Variants in ANKIB1 observed in about 807,000 individuals in gnomAD.
The protein encoded by ANKIB1 is ankyrin repeat and IBR domain containing 1.
In ANKIB1, 43 loss-of-function variants were observed where a neutral mutation model predicts 122.1. The observed-to-expected ratio is 0.35, with a 90% CI of 0.28 to 0.45. The LOEUF (loss-of-function observed/expected upper bound fraction) is 0.45. Ranked by LOEUF, ANKIB1 falls within the 20% of genes least tolerant of loss-of-function variation. The pLI is 1.00. For missense variants in ANKIB1, 992 were observed against 1,329.5 expected, an observed-to-expected ratio of 0.75 and a Z score of 3.95; for synonymous variants, 390 against 442.0, an observed-to-expected ratio of 0.88 and a Z score of 1.48.
In ANKIB1 at chr7:92,250,232, A is replaced by G. The variant is rs533687147; in HGVS notation, c.-91+3713A>G. ...AACATAGAGAAACCCCATCTCTACTAAAAATGCAAAATTAGCCGAGCGTGG... is the reference window on the plus strand; with the variant it reads ...AACATAGAGAAACCCCATCTCTACTGAAAATGCAAAATTAGCCGAGCGTGG... On this transcript the variant is annotated intron_variant, in intron 1 of 19. Transcript: ENST00000265742. Among the ~76,000 whole-genome samples, 6 of 152,186 alleles carry G rather than the reference A, an allele frequency of 3.9e-5. No individual in the cohort carries two copies. The South Asian group carries it at 1.2e-3, about 32-fold the overall frequency.
chr7:92,249,551 T>A (rs1801276713), intron 1 of ANKIB1, among the ~76,000 whole-genome samples: 1 of 152,114 alleles, frequency 6.6e-6, no homozygotes, highest in Admixed American at 6.5e-5. Context: ...AAACTCTGTC[T>A]CTACTAAAGA....
intron 2 of ANKIB1, among the ~76,000 whole-genome samples, chr7:92,301,291 C>T (rs1802453297): frequency 6.6e-6 from 1 of 151,820 alleles, no homozygotes; most frequent in South Asian, 2.1e-4. Flanking sequence ...AATGGTTGTA[C>T]CAATTTACAT....
chr7:92,397,580 A>G, intron 18 of ANKIB1, 143 bp from the exon 19 acceptor site: 1 of 796,672 alleles, frequency 1.3e-6, no homozygotes, highest in Non-Finnish European at 2.0e-6. Flanking sequence ...GAGAAATCCC[A>G]GAAAGATTAA....
At chr7:92,304,786 C>A (rs999625089) in intron 2 of ANKIB1, among the ~76,000 whole-genome samples, 4 of 151,966 alleles carry the variant, frequency 2.6e-5, no homozygotes, top group Non-Finnish European at 5.9e-5. Flanking sequence ...GGAAATATGA[C>A]TGGGAATTTT....
At chr7:92,346,608 C>T (rs1192140442) in intron 7 of ANKIB1, among the ~76,000 whole-genome samples, 2 of 152,182 alleles carry the variant, frequency 1.3e-5, no homozygotes, top group Non-Finnish European at 2.9e-5. Flanking sequence ...AAGGTCAGAG[C>T]TCACAATCCA....
At chr7:92,320,564 C>T (rs1802886307) in intron 4 of ANKIB1, among the ~76,000 whole-genome samples, 1 of 152,166 alleles carries the variant, frequency 6.6e-6, no homozygotes, top group Non-Finnish European at 1.5e-5. Context: ...ATGGGGGAAG[C>T]ATTCTTGATT....
chr7:92,319,307 T>A, intron 3 of ANKIB1, 23 bp from the exon 4 acceptor site: 3 of 1,532,206 alleles, frequency 2.0e-6, no homozygotes, highest in Non-Finnish European at 2.6e-6. Context: ...TAGTTGCAAG[T>A]TTTTGAAAAA....
intron 11 of ANKIB1, among the ~76,000 whole-genome samples, chr7:92,373,711 A>T (rs1804322026): frequency 1.3e-5 from 2 of 152,216 alleles, no homozygotes; most frequent in African/African-American, 4.8e-5. Context: ...ATGCACTGAC[A>T]TAATTGGTAA....
At chr7:92,307,742 G>C in intron 3 of ANKIB1, 86 bp downstream of exon 3, 1 of 955,972 alleles carries the variant, frequency 1.0e-6, no homozygotes, top group Non-Finnish European at 1.3e-6. Context: ...TTTTTTGATT[G>C]TCTTAGTAAT....
In ANKIB1 at chr7:92,397,801, G is replaced by A. The variant is rs753255842; in HGVS notation, c.2474G>A (p.Ser825Asn). 3 of 1,606,244 alleles carry A rather than the reference G, an allele frequency of 1.9e-6. No homozygotes were observed. Among genetic ancestry groups the A allele is most frequent in the Admixed American group, 3.5e-5 (2 of 57,828 alleles). Reference protein sequence around the residue: ...VSSASMSVLHSSSLRDYTPAS... With the variant: ...VSSASMSVLHNSSLRDYTPAS... ...TCTGCATCTATGAGTGTGCTGCACA[G>A]CTCTTCCCTGCGTGACTACACCCCT... is the stretch of plus-strand genomic sequence containing the variant. The change falls in exon 19 of 20, where the codon AGC becomes AAC. Residue 825 changes from serine to asparagine, a missense_variant. This residue lies in a region of ANKIB1 where 384 missense variants were observed against 412.0 expected (regional missense o/e 0.93). Coordinates refer to ENST00000265742, the MANE Select transcript of ANKIB1 (RefSeq NM_019004.2).
chr7:92,379,006 G>C (rs1804449276), intron 11 of ANKIB1, among the ~76,000 whole-genome samples: 2 of 152,138 alleles, frequency 1.3e-5, no homozygotes, highest in South Asian at 4.1e-4. Context: ...CCCACTGTAG[G>C]TCACAAAAGA....
At chr7:92,386,813 T>C (rs189307686) in intron 12 of ANKIB1, among the ~76,000 whole-genome samples, 170 bp downstream of exon 12, 306 of 152,322 alleles carry the variant, frequency 2.0e-3, no homozygotes, top group African/African-American at 6.9e-3. Context: ...GCTTTTTCCC[T>C]TTTACATTTT....
rs775075638 is a variant in ANKIB1 at position 92,319,312 on chromosome 7, G to T, written c.487-18G>T. 14 of 1,535,882 alleles carry T rather than the reference G, an allele frequency of 9.1e-6. 1 individual carries two copies. In the East Asian group the frequency reaches 1.4e-4, roughly 15 times the overall value. On this transcript the variant is annotated intron_variant, in intron 3 of 19. Transcript: ENST00000265742. ...TTTGAACCTGTAGTTGCAAGTTTTT[G>T]AAAAAAAACTTTTTTAGCTTTTAGT...
chr7:92,372,135 T>C (rs866067467), intron 11 of ANKIB1, among the ~76,000 whole-genome samples: 27 of 152,232 alleles, frequency 1.8e-4, no homozygotes, highest in African/African-American at 6.5e-4. Context: ...CTCCATACAA[T>C]TGGCTCTCTG....
At chr7:92,382,766 A>G (rs947146678) in intron 11 of ANKIB1, among the ~76,000 whole-genome samples, 1 of 152,226 alleles carries the variant, frequency 6.6e-6, no homozygotes, top group African/African-American at 2.4e-5. Context: ...TTATAGCACT[A>G]AATGCCCACA....
rs1249274981 is a variant in ANKIB1, at chr7:92,401,288, A to G, written c.*2339A>G. 2 of 152,218 alleles carry G rather than the reference A, an allele frequency of 1.3e-5. No individual in the cohort carries two copies. The highest frequency in any genetic ancestry group is 6.5e-5 in the Admixed American group (1 of 15,280). 9.4% of individuals were successfully genotyped at this position (152,218 alleles called of 1,614,324 possible). A position where few individuals can be genotyped will look rare whatever the true frequency, so the allele number is the denominator to read the frequency against. ...TATACTTGATACATTCCCACTTTAT[A>G]TACAGTAGGATTCTACAAACGTGTA... On this transcript the variant is annotated 3_prime_UTR_variant, in exon 20 of 20. Transcript: ENST00000265742.
Position 92,262,471 on chromosome 7 carries a change from A to G in ANKIB1, c.-91+15952A>G, listed in dbSNP as rs897167792. 2.0e-5 allele frequency among the ~76,000 whole-genome samples: 3 copies of G among 152,216 alleles called. No individual in the cohort carries two copies. The South Asian group carries it at 6.2e-4, about 32-fold the overall frequency. The stretch of plus-strand genomic sequence containing the variant: ...TTAAATGTAAAGCAAAAACTGAATT[A>G]TCTGTATAGCAGAATTTGATTATTA... On this transcript the variant is annotated intron_variant, in intron 1 of 19. Coordinates refer to ENST00000265742, the MANE Select transcript of ANKIB1 (RefSeq NM_019004.2).
intron 11 of ANKIB1, 117 bp from the exon 12 acceptor site, chr7:92,386,392 T>G: frequency 8.7e-7 from 1 of 1,149,666 alleles, no homozygotes; most frequent in Non-Finnish European, 1.2e-6. Flanking sequence ...TTGAGAAGAT[T>G]TATTACTGGT....
chr7:92,297,551 A>G (rs934178101), intron 2 of ANKIB1, among the ~76,000 whole-genome samples: 1 of 152,108 alleles, frequency 6.6e-6, no homozygotes, highest in Non-Finnish European at 1.5e-5. Context: ...CCATGCTGCT[A>G]AGTTCACTAA....
Sources: allele counts gnomAD v4.1 joint callset (sites outside exome capture counted in the v4.1 genomes callset), GRCh38; gene constraint gnomAD v4.1.1; regional missense constraint gnomAD v4.1.1; transcripts MANE v1.5; gene names NCBI Gene and HGNC (gene_info 2026-07-23, HGNC 2026-07-21).